TXLNB: variants seen among roughly 807,000 people sequenced by gnomAD.
The protein encoded by TXLNB is taxilin beta, also known as beta-taxilin.
Under a neutral mutation model 57.4 loss-of-function variants are expected in TXLNB, and 37 were observed. The ratio of observed to expected loss-of-function variants is 0.64; its 90% CI spans 0.50 to 0.85. TXLNB has a LOEUF of 0.85. Among genes scored for constraint, TXLNB ranks in the 40% least tolerant of loss-of-function variants. The pLI is 0.00. For missense variants in TXLNB, 848 were observed against 825.6 expected, an observed-to-expected ratio of 1.03 and a Z score of -0.33; for synonymous variants, 302 against 309.6, an observed-to-expected ratio of 0.98 and a Z score of 0.26.
At chr6:139,159,221 C>T in the TXLNB span, 2 of 152,260 alleles carry the variant, frequency 1.3e-5, no homozygotes, top group Non-Finnish European at 2.9e-5. Context: ...CAGGCTGGCT[C>T]TGTGTCATCT....
At chr6:139,247,496 T>C (rs1170285990) in intron 8 of TXLNB, among the ~76,000 whole-genome samples, 1 of 150,894 alleles carries the variant, frequency 6.6e-6, no homozygotes, top group Non-Finnish European at 1.5e-5. Context: ...GAGTTCAGTA[T>C]ATACACCATC....
chr6:139,188,472 G>T, the TXLNB span, among the ~76,000 whole-genome samples: 1 of 152,034 alleles, frequency 6.6e-6, no homozygotes. Flanking sequence ...ATCTAAAACA[G>T]GATCTGTGAT....
At chr6:139,215,160 G>T in the TXLNB span, among the ~76,000 whole-genome samples, 3 of 151,906 alleles carry the variant, frequency 2.0e-5, no homozygotes, top group Admixed American at 1.3e-4. Flanking sequence ...AAAAAAGCCC[G>T]CATTGCCAAG....
At chr6:139,224,354 G>A in the TXLNB span, among the ~76,000 whole-genome samples, 8 of 149,870 alleles carry the variant, frequency 5.3e-5, no homozygotes, top group East Asian at 2.0e-4. Context: ...GCTAGATGAC[G>A]AGTTAGTGGG....
the TXLNB span, among the ~76,000 whole-genome samples, chr6:139,229,572 C>A: frequency 2.0e-5 from 3 of 152,334 alleles, no homozygotes; most frequent in Non-Finnish European, 4.4e-5. Context: ...ATCTGCCCGC[C>A]TTGGCCTCCC....
At chr6:139,159,457 T>A in the TXLNB span, among the ~76,000 whole-genome samples, 4 of 151,922 alleles carry the variant, frequency 2.6e-5, no homozygotes. Context: ...CTTTTTTTCC[T>A]CCTTTAAAAA....
chr6:139,188,493 A>G, the TXLNB span, among the ~76,000 whole-genome samples: 1 of 152,242 alleles, frequency 6.6e-6, no homozygotes, highest in Non-Finnish European at 1.5e-5. Flanking sequence ...CTACCCTAAC[A>G]TGAAATTTTA....
the TXLNB span, among the ~76,000 whole-genome samples, chr6:139,223,594 T>G: frequency 6.6e-6 from 1 of 151,370 alleles, no homozygotes; most frequent in Non-Finnish European, 1.5e-5. Flanking sequence ...CAAACAAATT[T>G]ACAAGAAAAA....
At chr6:139,296,503 A>G (rs1777391922), upstream of TXLNB, among the ~76,000 whole-genome samples, 1 of 150,992 alleles carries the variant, frequency 6.6e-6, no homozygotes, top group Admixed American at 6.6e-5. Context: ...ATTAAATTTG[A>G]TGTAGATCTT....
At chr6:139,261,770 G>A (rs1440969908) in intron 5 of TXLNB, among the ~76,000 whole-genome samples, 4 of 151,838 alleles carry the variant, frequency 2.6e-5, no homozygotes, top group Admixed American at 2.6e-4. Context: ...AATGCCATAT[G>A]GTATGTAAAG....
At chr6:139,165,207 A>G in the TXLNB span, among the ~76,000 whole-genome samples, 43 of 152,354 alleles carry the variant, frequency 2.8e-4, no homozygotes, top group Admixed American at 9.8e-4. Flanking sequence ...CTAGTATCCC[A>G]TGGAACCAGG....
chr6:139,159,845 C>T, the TXLNB span, among the ~76,000 whole-genome samples: 1 of 152,242 alleles, frequency 6.6e-6, no homozygotes, highest in Non-Finnish European at 1.5e-5. Context: ...TTCCACCCAA[C>T]TCCCCACCTG....
the TXLNB span, among the ~76,000 whole-genome samples, chr6:139,198,656 A>G: frequency 6.6e-6 from 1 of 152,124 alleles, no homozygotes; most frequent in Non-Finnish European, 1.5e-5. Flanking sequence ...ATGGCAGGAG[A>G]CCAATGCAGG....
At chr6:139,190,249 C>CTAA in the TXLNB span, among the ~76,000 whole-genome samples, 1 of 150,460 alleles carries the variant, frequency 6.6e-6, no homozygotes, top group African/African-American at 2.4e-5. Context: ...GTTGGGGAGT[C>CTAA]TAAGATCAAG....
the TXLNB span, among the ~76,000 whole-genome samples, chr6:139,189,680 T>C: frequency 1.3e-5 from 2 of 152,224 alleles, no homozygotes; most frequent in African/African-American, 4.8e-5. Flanking sequence ...CTTTCACCTC[T>C]TCAAAGACAA....
At chr6:139,316,925 T>C in the TXLNB span, among the ~76,000 whole-genome samples, 11 of 152,316 alleles carry the variant, frequency 7.2e-5, no homozygotes, top group Admixed American at 7.2e-4. Flanking sequence ...AGTTCAATAC[T>C]AGTCATGTAC....
At chr6:139,193,838 ATATTTTTTTTTT>A in the TXLNB span, among the ~76,000 whole-genome samples, 2 of 52,762 alleles carry the variant, frequency 3.8e-5, no homozygotes, top group African/African-American at 8.1e-5. Flanking sequence ...ATATATATAT[ATATTTTTTTTTT>A]TTTTTTTTTG....
In TXLNB at chr6:139,255,635, G is replaced by GCAA; in HGVS notation, c.1003_1005dup (p.Leu336dup). 1 of 1,613,264 alleles carries GCAA rather than the reference G, an allele frequency of 6.2e-7. No individual in the cohort carries two copies. Among genetic ancestry groups the GCAA allele is most frequent in the Non-Finnish European group, 8.5e-7 (1 of 1,179,380 alleles). The stretch of plus-strand genomic sequence containing the variant: ...AGTTTCCACTCTGCTGCCTGGTTCA[G>GCAA]CAACTATGAGAAGAGAGAGTGTGTG... On this transcript the variant is annotated inframe_insertion, in exon 7 of 10. Transcript: ENST00000358430.
At chr6:139,249,935 G>GT (rs1776155131) in intron 7 of TXLNB, among the ~76,000 whole-genome samples, 1 of 151,972 alleles carries the variant, frequency 6.6e-6, no homozygotes, top group African/African-American at 2.4e-5. Context: ...GGGCTCTAGG[G>GT]TTTTACACAC....
Sources: gnomAD v4.1 joint callset for allele counts (sites outside exome capture counted in the v4.1 genomes callset) on GRCh38, gnomAD v4.1.1 for gene constraint, MANE v1.5 for transcripts, NCBI Gene and HGNC (gene_info 2026-07-23, HGNC 2026-07-21) for gene names.